The following CNTNAP2 variants were observed in gnomAD, a reference collection of about 807,000 sequenced individuals.
The protein encoded by CNTNAP2 is contactin-associated protein-like 2.
In CNTNAP2, 98 loss-of-function variants were observed where a neutral mutation model predicts 155.2. The observed-to-expected ratio is 0.63, with a 90% CI of 0.54 to 0.75. The LOEUF (loss-of-function observed/expected upper bound fraction) is 0.75. Among genes scored for constraint, CNTNAP2 ranks in the 30% least tolerant of loss-of-function variants. The pLI, the probability that CNTNAP2 is intolerant of heterozygous loss-of-function variation, is 0.00. For synonymous variants in CNTNAP2, 651 were observed against 631.2 expected (o/e 1.03, Z -0.47); for missense variants, 1,727 against 1,688.1 (o/e 1.02, Z -0.40).
chr7:147,841,121 G>A (rs1433316229), intron 13 of CNTNAP2, among the ~76,000 whole-genome samples: 1 of 152,118 alleles, frequency 6.6e-6, no homozygotes, highest in Non-Finnish European at 1.5e-5. Flanking sequence ...CCCAAGCAAT[G>A]TCTAGACAAG....
At chr7:147,097,068 C>T (rs1422727129) in intron 4 of CNTNAP2, among the ~76,000 whole-genome samples, 1 of 152,116 alleles carries the variant, frequency 6.6e-6, no homozygotes, top group Non-Finnish European at 1.5e-5. Context: ...ATATGCATAA[C>T]CTCAAAAGAT....
At chr7:147,311,578 G>A (rs1795127707) in intron 9 of CNTNAP2, among the ~76,000 whole-genome samples, 1 of 152,084 alleles carries the variant, frequency 6.6e-6, no homozygotes, top group Admixed American at 6.6e-5. Context: ...AGGTAGGAAG[G>A]GAAATGTCAC....
intron 3 of CNTNAP2, among the ~76,000 whole-genome samples, chr7:147,009,146 C>T (rs192747957): frequency 1.3e-3 from 193 of 152,028 alleles, no homozygotes; most frequent in Non-Finnish European, 2.2e-3. Context: ...ATATAAGTAG[C>T]GCAAGTTTCC....
chr7:146,121,221 T>C (rs940024456), intron 1 of CNTNAP2, among the ~76,000 whole-genome samples: 5 of 144,028 alleles, frequency 3.5e-5, no homozygotes, highest in Non-Finnish European at 6.0e-5. Flanking sequence ...CTCCGCCTCC[T>C]GGGTTCACGC....
chr7:147,766,283 A>G (rs138755204), intron 13 of CNTNAP2, among the ~76,000 whole-genome samples: 88 of 152,294 alleles, frequency 5.8e-4, no homozygotes, highest in African/African-American at 2.0e-3. Context: ...GAAAGTTGGT[A>G]CCTATGTTTA....
rs536722319 is a variant in CNTNAP2 at position 147,112,967 on chromosome 7, G to A, written c.754+4617G>A. 2.6e-5 allele frequency among the ~76,000 whole-genome samples: 4 copies of A among 152,156 alleles called. No homozygotes were observed. The South Asian group carries it at 6.2e-4, about 24-fold the overall frequency. On this transcript the variant is annotated intron_variant, in intron 5 of 23. Coordinates refer to ENST00000361727, the MANE Select transcript of CNTNAP2 (RefSeq NM_014141.6). ...AATAGTTTGAATAGGCATGTTATCA[G>A]CTCTTCTTTGGACCTCTGGTAGAAT...
chr7:146,549,870 C>A (rs1285743297), intron 1 of CNTNAP2, among the ~76,000 whole-genome samples: 1 of 152,006 alleles, frequency 6.6e-6, no homozygotes. Context: ...ATATCAACCT[C>A]CCTGTCAAGG....
intron 3 of CNTNAP2, among the ~76,000 whole-genome samples, chr7:146,967,404 C>T (rs974531880): frequency 9.9e-5 from 15 of 152,004 alleles, no homozygotes; most frequent in East Asian, 5.8e-4. Context: ...TTGGGCAGTA[C>T]GGCCATTTTC....
chr7:146,123,885 G>A (rs1050944931), intron 1 of CNTNAP2, among the ~76,000 whole-genome samples: 1 of 152,140 alleles, frequency 6.6e-6, no homozygotes, highest in South Asian at 2.1e-4. Flanking sequence ...CAAAGAAAAT[G>A]TGACAAGTAC....
chr7:146,684,493 A>G (rs963499964), intron 1 of CNTNAP2, among the ~76,000 whole-genome samples: 9 of 152,156 alleles, frequency 5.9e-5, no homozygotes, highest in Non-Finnish European at 1.0e-4. Flanking sequence ...ATCTCTGAAA[A>G]CACTTCTAGT....
rs1312266432 is a variant in CNTNAP2 at position 146,555,134 on chromosome 7, C to A, written c.98-219137C>A. Among the ~76,000 whole-genome samples, 5 of 152,046 alleles carry A rather than the reference C, an allele frequency of 3.3e-5. No homozygotes were observed. In the South Asian group the frequency reaches 1.0e-3, roughly 32 times the overall value. Reference sequence around the variant, plus strand: ...GCATTGTGGAGTGAATGGCACAGACCTCTCCATTCATAAGTCCCTCTTTCC... The same window carrying A: ...GCATTGTGGAGTGAATGGCACAGACATCTCCATTCATAAGTCCCTCTTTCC... On this transcript the variant is annotated intron_variant, in intron 1 of 23. Coordinates refer to ENST00000361727, the MANE Select transcript of CNTNAP2 (RefSeq NM_014141.6).
At chr7:146,703,457 T>C (rs1456731860) in intron 1 of CNTNAP2, among the ~76,000 whole-genome samples, 1 of 152,154 alleles carries the variant, frequency 6.6e-6, no homozygotes, top group Non-Finnish European at 1.5e-5. Context: ...GTCTCCAAAC[T>C]CATTTTTTAA....
intron 1 of CNTNAP2, among the ~76,000 whole-genome samples, chr7:146,544,478 AATG>A (rs1169583530): frequency 6.6e-6 from 1 of 151,984 alleles, no homozygotes; most frequent in Non-Finnish European, 1.5e-5. Context: ...ACAAAATATG[AATG>A]ATAACACTAT....
chr7:146,665,429 A>C (rs540951307), intron 1 of CNTNAP2, among the ~76,000 whole-genome samples: 5 of 151,112 alleles, frequency 3.3e-5, no homozygotes, highest in African/African-American at 1.2e-4. Context: ...ACCCTTGGGT[A>C]ATTTAGAAGT....
At chr7:146,570,326 T>C (rs1798422702) in intron 1 of CNTNAP2, among the ~76,000 whole-genome samples, 1 of 152,198 alleles carries the variant, frequency 6.6e-6, no homozygotes, top group South Asian at 2.1e-4. Flanking sequence ...TGAGTAGGCA[T>C]TTTTGAACGG....
chr7:147,788,743 AC>A (rs1315635138), intron 13 of CNTNAP2, among the ~76,000 whole-genome samples: 3 of 149,574 alleles, frequency 2.0e-5, no homozygotes, highest in Non-Finnish European at 4.5e-5. Context: ...CCTGCCTCCA[AC>A]CCCCCTCATC....
intron 21 of CNTNAP2, among the ~76,000 whole-genome samples, chr7:148,380,509 C>T (rs535161819): frequency 1.3e-3 from 200 of 152,270 alleles, no homozygotes; most frequent in Non-Finnish European, 1.9e-3. Context: ...TACATTTTTT[C>T]TGAAAACCTC....
intron 15 of CNTNAP2, among the ~76,000 whole-genome samples, chr7:147,992,140 G>A (rs928207081): frequency 3.3e-5 from 4 of 123,048 alleles, no homozygotes; most frequent in Non-Finnish European, 4.6e-5. Context: ...TGTCACCTAG[G>A]CTGGAGTGCA....
intron 22 of CNTNAP2, among the ~76,000 whole-genome samples, chr7:148,388,995 C>T (rs1799284045): frequency 6.6e-6 from 1 of 152,150 alleles, no homozygotes; most frequent in South Asian, 2.1e-4. Context: ...CAGAGACCCA[C>T]TTGAGGAGGC....
Sources: allele counts gnomAD v4.1 joint callset (sites outside exome capture counted in the v4.1 genomes callset), GRCh38; gene constraint gnomAD v4.1.1; transcripts MANE v1.5; gene names NCBI Gene and HGNC (gene_info 2026-07-23, HGNC 2026-07-21).